Variants in SENP6 observed in about 807,000 individuals in gnomAD.
The protein encoded by SENP6 is SUMO specific peptidase 6.
In SENP6, 41 loss-of-function variants were observed where a neutral mutation model predicts 134.5. The ratio of observed to expected loss-of-function variants is 0.30; its 90% CI spans 0.24 to 0.40. SENP6 has a LOEUF of 0.40. Among genes scored for constraint, SENP6 ranks in the 10% least tolerant of loss-of-function variants. SENP6 has a pLI of 1.00. For missense variants in SENP6, 1,248 were observed against 1,312.5 expected, an observed-to-expected ratio of 0.95 and a Z score of 0.76; for synonymous variants, 395 against 429.8, an observed-to-expected ratio of 0.92 and a Z score of 1.00.
intron 1 of SENP6, among the ~76,000 whole-genome samples, chr6:75,607,499 C>T (rs1767116025): frequency 6.6e-6 from 1 of 152,026 alleles, no homozygotes; most frequent in South Asian, 2.1e-4. Flanking sequence ...CTCTCTTATA[C>T]ATTTCTTCAT....
chr6:75,707,908 T>C (rs933332503), intron 19 of SENP6, among the ~76,000 whole-genome samples: 4 of 152,006 alleles, frequency 2.6e-5, no homozygotes, highest in African/African-American at 9.7e-5. Flanking sequence ...AGGTGATCCT[T>C]CTGAACTCAG....
intron 19 of SENP6, among the ~76,000 whole-genome samples, chr6:75,708,525 A>G (rs1562076372): frequency 2.0e-5 from 3 of 152,150 alleles, no homozygotes; most frequent in Admixed American, 6.5e-5. Context: ...TAGGAGTTCA[A>G]GGTTACAGCG....
intron 1 of SENP6, among the ~76,000 whole-genome samples, chr6:75,605,650 G>T (rs1156512199): frequency 1.3e-5 from 2 of 152,162 alleles, no homozygotes; most frequent in African/African-American, 2.4e-5. Context: ...CAAAAAGGCT[G>T]AAATGTAGAA....
intron 1 of SENP6, among the ~76,000 whole-genome samples, chr6:75,604,812 C>G (rs1321729447): frequency 2.0e-5 from 3 of 152,104 alleles, no homozygotes; most frequent in African/African-American, 7.2e-5. Flanking sequence ...GTGGCTCACG[C>G]CTGTAATCCC....
chr6:75,615,727 C>G (rs1767802595), intron 1 of SENP6, among the ~76,000 whole-genome samples: 1 of 152,134 alleles, frequency 6.6e-6, no homozygotes, highest in South Asian at 2.1e-4. Flanking sequence ...ATAAAATGAG[C>G]TGCAAAGTGT....
intron 17 of SENP6, among the ~76,000 whole-genome samples, chr6:75,696,821 T>C (rs1402092278): frequency 6.6e-6 from 1 of 152,194 alleles, no homozygotes; most frequent in East Asian, 1.9e-4. Flanking sequence ...CATCTAGCTC[T>C]GATAATTTGC....
chr6:75,669,761 T>C (rs548757500), intron 10 of SENP6, among the ~76,000 whole-genome samples: 81 of 152,330 alleles, frequency 5.3e-4, no homozygotes, highest in Non-Finnish European at 6.6e-4. Context: ...TTCTAAAGAA[T>C]TACTGATTTA....
chr6:75,710,022 C>G (rs557782299), intron 20 of SENP6, among the ~76,000 whole-genome samples: 2 of 152,268 alleles, frequency 1.3e-5, no homozygotes, highest in African/African-American at 2.4e-5. Flanking sequence ...TTAACTCACC[C>G]TAACTCAGCT....
At chr6:75,688,104 G>A (rs1469182605) in intron 16 of SENP6, among the ~76,000 whole-genome samples, 1 of 152,212 alleles carries the variant, frequency 6.6e-6, no homozygotes, top group Non-Finnish European at 1.5e-5. Context: ...CAGCAATGGC[G>A]GATGCCCCTC....
intron 10 of SENP6, among the ~76,000 whole-genome samples, chr6:75,668,134 GATTTACTT>G (rs1435801545): frequency 2.0e-5 from 3 of 152,022 alleles, no homozygotes; most frequent in African/African-American, 7.2e-5. Flanking sequence ...AAAATATATG[GATTTACTT>G]ATTTACTTAC....
chr6:75,681,879 A>G (rs1773490753), intron 16 of SENP6, among the ~76,000 whole-genome samples: 1 of 152,152 alleles, frequency 6.6e-6, no homozygotes, highest in African/African-American at 2.4e-5. Flanking sequence ...AAAAACAAAA[A>G]TATAAAAAAC....
At chr6:75,633,949 T>C (rs1028146773) in intron 4 of SENP6, among the ~76,000 whole-genome samples, 3 of 152,204 alleles carry the variant, frequency 2.0e-5, no homozygotes, top group East Asian at 1.9e-4. Flanking sequence ...AGAAATACTT[T>C]GTTAGGGTGG....
At chr6:75,641,135 C>T (rs376915194) in intron 6 of SENP6, among the ~76,000 whole-genome samples, 2 of 152,234 alleles carry the variant, frequency 1.3e-5, no homozygotes, top group East Asian at 3.9e-4. Context: ...CCTTCCCAGC[C>T]TACAGTATCC....
At chr6:75,675,393 C>T in intron 11 of SENP6, 42 bp from the exon 12 acceptor site, 1 of 1,157,800 alleles carries the variant, frequency 8.6e-7, no homozygotes, top group Non-Finnish European at 1.2e-6. Context: ...GCCTGCCTTT[C>T]TTTGTAAGTC....
At chr6:75,607,930 T>A (rs973144825) in intron 1 of SENP6, among the ~76,000 whole-genome samples, 4 of 152,228 alleles carry the variant, frequency 2.6e-5, no homozygotes, top group Non-Finnish European at 4.4e-5. Flanking sequence ...CCCAAACGAT[T>A]GGCATTCCAT....
At chr6:75,611,830 A>C (rs1022641578) in intron 1 of SENP6, 10 of 152,288 alleles carry the variant, frequency 6.6e-5, no homozygotes, top group African/African-American at 2.2e-4. Context: ...CTGCTGCCTG[A>C]CTAACGAACT....
rs995458370 is a variant in SENP6, at chr6:75,609,928, C to T, written c.52+7352C>T. ...TCAGCCTCCCTAGTAGCTGGGATTA[C>T]AGGCGCATACCACCATGCCTGACTA... On this transcript the variant is annotated intron_variant, in intron 1 of 23. Coordinates refer to ENST00000447266, the MANE Select transcript of SENP6 (RefSeq NM_015571.4). 4.6e-5 allele frequency among the ~76,000 whole-genome samples: 7 copies of T among 152,202 alleles called. No individual in the cohort carries two copies. The South Asian group carries it at 6.2e-4, about 14-fold the overall frequency.
rs528762213 is a variant in SENP6, at chr6:75,602,443, C to T, written c.-82C>T. ...CCGCAACCCTGCGGCGTCTACCCTC[C>T]TCCGGCGCGGCCCCTCATCCCGGCG... On this transcript the variant is annotated 5_prime_UTR_variant, in exon 1 of 24. Coordinates refer to ENST00000447266, the MANE Select transcript of SENP6 (RefSeq NM_015571.4). The T allele has an allele frequency of 7.5e-5, 113 of 1,501,570 alleles. No homozygotes were observed. The African/African-American group carries it at 9.4e-4, about 13-fold the overall frequency. The allele number at this position is 1,501,570 out of a possible 1,614,324, so 93.0% of individuals were successfully genotyped here.
At chr6:75,637,589 A>T (rs1366440326) in intron 5 of SENP6, among the ~76,000 whole-genome samples, 1 of 152,180 alleles carries the variant, frequency 6.6e-6, no homozygotes, top group Non-Finnish European at 1.5e-5. Flanking sequence ...TTGAAACAAC[A>T]CATTTTATGG....
Sources: allele counts gnomAD v4.1 joint callset (sites outside exome capture counted in the v4.1 genomes callset), GRCh38; gene constraint gnomAD v4.1.1; transcripts MANE v1.5; gene names NCBI Gene and HGNC (gene_info 2026-07-23, HGNC 2026-07-21).